The following CIRSR variants were observed in gnomAD, a reference collection of about 807,000 sequenced individuals.
The protein encoded by CIRSR is corepressor of RBPJ and splicing regulator, also known as CBF1 (RBPJ) interacting corepressor 1.
At chr2:174,367,437 G>A in the CIRSR span, among the ~76,000 whole-genome samples, 4 of 152,100 alleles carry the variant, frequency 2.6e-5, no homozygotes, top group Admixed American at 6.6e-5. Flanking sequence ...AAAATTAGCC[G>A]GGTGTGGTGG....
At chr2:174,374,245 T>C in the CIRSR span, among the ~76,000 whole-genome samples, 1 of 152,378 alleles carries the variant, frequency 6.6e-6, no homozygotes, top group South Asian at 2.1e-4. Flanking sequence ...TCAACCTTTC[T>C]TTCTACCTAA....
the CIRSR span, among the ~76,000 whole-genome samples, chr2:174,393,129 G>C: frequency 3.3e-5 from 5 of 152,058 alleles, no homozygotes; most frequent in African/African-American, 7.2e-5. Flanking sequence ...TAAGGGAACA[G>C]AGAGTTTCAC....
chr2:174,356,714 G>C, the CIRSR span, among the ~76,000 whole-genome samples: 1 of 152,122 alleles, frequency 6.6e-6, no homozygotes, highest in Non-Finnish European at 1.5e-5. Flanking sequence ...TTTATAGGAT[G>C]CCACTGTTGG....
chr2:174,365,308 T>C, the CIRSR span, among the ~76,000 whole-genome samples: 8 of 152,226 alleles, frequency 5.3e-5, no homozygotes, highest in South Asian at 6.2e-4. Flanking sequence ...ATCAATATTT[T>C]TGTCAAAGCT....
the CIRSR span, among the ~76,000 whole-genome samples, chr2:174,390,887 G>C: frequency 1.3e-5 from 2 of 152,180 alleles, no homozygotes; most frequent in African/African-American, 2.4e-5. Flanking sequence ...CTTCTGCCAT[G>C]ATTTTAAGTT....
chr2:174,351,063 C>T, the CIRSR span, among the ~76,000 whole-genome samples: 2 of 151,994 alleles, frequency 1.3e-5, no homozygotes, highest in Non-Finnish European at 2.9e-5. Flanking sequence ...TTAACTCTTG[C>T]CAGTTTAAAT....
the CIRSR span, among the ~76,000 whole-genome samples, chr2:174,366,651 T>G: frequency 6.6e-6 from 1 of 152,238 alleles, no homozygotes; most frequent in Non-Finnish European, 1.5e-5. Flanking sequence ...AAATACAATC[T>G]TTTATTTTTC....
the CIRSR span, among the ~76,000 whole-genome samples, chr2:174,392,791 T>C: frequency 6.6e-6 from 1 of 152,354 alleles, no homozygotes; most frequent in African/African-American, 2.4e-5. Context: ...AAAAAACTTT[T>C]ATATCAGATA....
chr2:174,392,340 T>C, the CIRSR span, among the ~76,000 whole-genome samples: 1 of 152,200 alleles, frequency 6.6e-6, no homozygotes, highest in Non-Finnish European at 1.5e-5. Flanking sequence ...AAATTGTTTG[T>C]GGTAATGATT....
chr2:174,390,004 C>T, the CIRSR span, among the ~76,000 whole-genome samples: 1 of 152,232 alleles, frequency 6.6e-6, no homozygotes, highest in Non-Finnish European at 1.5e-5. Context: ...CTTGGAGAAC[C>T]TCTACTAGGG....
At chr2:174,387,602 A>C in the CIRSR span, 1 of 1,428,674 alleles carries the variant, frequency 7.0e-7, no homozygotes, top group Non-Finnish European at 9.4e-7. Flanking sequence ...ATTCCAAAAA[A>C]CTGACTTAAT....
chr2:174,381,654 C>T, the CIRSR span: 2 of 1,425,088 alleles, frequency 1.4e-6, no homozygotes, highest in South Asian at 2.5e-5. Context: ...AAGACTGTGC[C>T]TCAGAAAAAA....
chr2:174,368,043 A>G, the CIRSR span, among the ~76,000 whole-genome samples: 151,827 of 152,278 alleles, frequency 1, 75,695 homozygotes, highest in Middle Eastern at 1. Context: ...CCATGTGTAC[A>G]TGCCTAACAA....
chr2:174,395,289 T>C, the CIRSR span, among the ~76,000 whole-genome samples: 1 of 152,200 alleles, frequency 6.6e-6, no homozygotes, highest in Non-Finnish European at 1.5e-5. Flanking sequence ...ATTTTGACAT[T>C]AGTCTTCGCA....
chr2:174,352,339 T>C, the CIRSR span, among the ~76,000 whole-genome samples: 2 of 152,262 alleles, frequency 1.3e-5, no homozygotes, highest in Non-Finnish European at 2.9e-5. Flanking sequence ...CAAGCAGTTT[T>C]AGGCTGGCTA....
the CIRSR span, among the ~76,000 whole-genome samples, chr2:174,361,900 C>T: frequency 6.6e-6 from 1 of 151,986 alleles, no homozygotes; most frequent in Non-Finnish European, 1.5e-5. Context: ...TATCTGGTGA[C>T]ATTATTTTGA....
chr2:174,387,427 TA>T, the CIRSR span: 3 of 310,576 alleles, frequency 9.7e-6, no homozygotes, highest in Non-Finnish European at 1.8e-5. Context: ...ATTGTTCTTC[TA>T]AGCTTTGCCT....
chr2:174,367,470 C>T, the CIRSR span, among the ~76,000 whole-genome samples: 1 of 152,112 alleles, frequency 6.6e-6, no homozygotes, highest in African/African-American at 2.4e-5. Flanking sequence ...GTCCCAGCTA[C>T]TTGTGAGGCT....
At chr2:174,378,162 GA>G in the CIRSR span, among the ~76,000 whole-genome samples, 2 of 144,600 alleles carry the variant, frequency 1.4e-5, no homozygotes, top group African/African-American at 2.5e-5. Flanking sequence ...TTTCTTAAAA[GA>G]AAAAAAAAAG....
Sources: gnomAD v4.1 joint callset for allele counts (sites outside exome capture counted in the v4.1 genomes callset) on GRCh38, gnomAD v4.1.1 for gene constraint, MANE v1.5 for transcripts, NCBI Gene and HGNC (gene_info 2026-07-23, HGNC 2026-07-21) for gene names.